IL1RAPL2: variants seen among roughly 807,000 people sequenced by gnomAD.
IL1RAPL2 encodes interleukin 1 receptor accessory protein like 2, also known as X-linked interleukin-1 receptor accessory protein-like 2.
In IL1RAPL2, 3 loss-of-function variants were observed where a neutral mutation model predicts 44.1. That is an observed-to-expected ratio of 0.07 (90% CI 0.03 to 0.18). IL1RAPL2 has a LOEUF of 0.18. Ranked by LOEUF, IL1RAPL2 falls within the 10% of genes least tolerant of loss-of-function variation. The pLI is 1.00. For synonymous variants in IL1RAPL2, 181 were observed against 178.8 expected, an observed-to-expected ratio of 1.01 and a Z score of -0.10; for missense variants, 391 against 496.4, an observed-to-expected ratio of 0.79 and a Z score of 2.02.
intron 2 of IL1RAPL2, among the ~76,000 whole-genome samples, chrX:104,989,470 C>A (rs779977719): frequency 4.5e-5 from 5 of 111,674 alleles, no homozygotes; most frequent in African/African-American, 1.6e-4. Context: ...AATATTTTTT[C>A]CAGTTTGAAT....
intron 4 of IL1RAPL2, among the ~76,000 whole-genome samples, chrX:105,246,850 A>T (rs1219407104): frequency 4.5e-5 from 5 of 111,400 alleles, no homozygotes; most frequent in Non-Finnish European, 7.5e-5. Flanking sequence ...AACAGCACAC[A>T]TAGAAAGTGA....
At chrX:104,811,082 A>G (rs1404714083) in intron 2 of IL1RAPL2, among the ~76,000 whole-genome samples, 1 of 112,282 alleles carries the variant, frequency 8.9e-6, no homozygotes, top group Non-Finnish European at 1.9e-5. Context: ...GCTAGAGACA[A>G]AAACAACAGA....
chrX:105,355,982 GC>G (rs1181005381), intron 5 of IL1RAPL2, among the ~76,000 whole-genome samples: 1 of 110,981 alleles, frequency 9.0e-6, no homozygotes, highest in African/African-American at 3.3e-5. Flanking sequence ...CCTAAAAGGT[GC>G]CCCCCACCAC....
At chrX:104,675,268 A>G (rs1215383355) in intron 2 of IL1RAPL2, among the ~76,000 whole-genome samples, 21 of 111,000 alleles carry the variant, frequency 1.9e-4, no homozygotes, top group African/African-American at 3.6e-4. Flanking sequence ...ACACTGCTTT[A>G]AATGCGTCCC....
intron 2 of IL1RAPL2, among the ~76,000 whole-genome samples, chrX:104,799,320 C>T (rs906566607): frequency 8.9e-6 from 1 of 111,882 alleles, no homozygotes; most frequent in Admixed American, 9.5e-5. Flanking sequence ...CCCGGCTCTG[C>T]CACTTTGGTA....
chrX:105,636,070 G>T (rs192957642), intron 6 of IL1RAPL2, among the ~76,000 whole-genome samples: 2 of 111,099 alleles, frequency 1.8e-5, no homozygotes, highest in African/African-American at 6.5e-5. Flanking sequence ...GGGGAGGAAT[G>T]AACCTATTGT....
intron 2 of IL1RAPL2, among the ~76,000 whole-genome samples, chrX:104,977,062 T>C (rs1359157204): frequency 8.9e-6 from 1 of 111,825 alleles, no homozygotes; most frequent in Non-Finnish European, 1.9e-5. Flanking sequence ...ACTGACCACT[T>C]AGCCAAAGAC....
At chrX:105,096,706 C>T (rs904456979) in intron 2 of IL1RAPL2, among the ~76,000 whole-genome samples, 5 of 111,034 alleles carry the variant, frequency 4.5e-5, no homozygotes, top group South Asian at 7.6e-4. Context: ...AAATGGGCTG[C>T]GACTATTTAA....
intron 3 of IL1RAPL2, among the ~76,000 whole-genome samples, chrX:105,202,035 A>G (rs191255740): frequency 8.9e-5 from 10 of 112,259 alleles, no homozygotes; most frequent in Middle Eastern, 4.6e-3. Context: ...ATAAAATTAT[A>G]TAGGAAAATT....
chrX:104,864,704 AG>A (rs1377526706), intron 2 of IL1RAPL2, among the ~76,000 whole-genome samples: 1 of 111,866 alleles, frequency 8.9e-6, no homozygotes, highest in Non-Finnish European at 1.9e-5. Flanking sequence ...AGAATAAAGC[AG>A]GCAGAAGAAA....
chrX:105,674,761 TTTTCATGATA>T (rs1180400127), intron 6 of IL1RAPL2, among the ~76,000 whole-genome samples: 1 of 112,059 alleles, frequency 8.9e-6, no homozygotes. Context: ...AATATGGTCA[TTTTCATGATA>T]TTGGTTCTTC....
chrX:105,746,866 T>A (rs2038547427), intron 8 of IL1RAPL2, among the ~76,000 whole-genome samples: 1 of 111,665 alleles, frequency 9.0e-6, no homozygotes, highest in Non-Finnish European at 1.9e-5. Flanking sequence ...GACCAAAAAA[T>A]TTATAGCATA....
At chrX:105,208,494 G>A (rs932137902) in intron 3 of IL1RAPL2, among the ~76,000 whole-genome samples, 1 of 111,622 alleles carries the variant, frequency 9.0e-6, no homozygotes, top group African/African-American at 3.3e-5. Flanking sequence ...TCACCACACC[G>A]AAGAGTGATC....
rs562424202 is a variant in IL1RAPL2 at position 104,758,440 on chromosome X, A to G, written c.82+99445A>G. On this transcript the variant is annotated intron_variant, in intron 2 of 10. Coordinates refer to ENST00000372582, the MANE Select transcript of IL1RAPL2 (RefSeq NM_017416.2). ...TCCCCATTTGATTATAATAAGGATT[A>G]CCCTCCCCCTTCTCTGGTGGTGACT... Among the ~76,000 whole-genome samples, 13 of 110,229 alleles carry G rather than the reference A, an allele frequency of 1.2e-4. No homozygotes were observed. The South Asian group carries it at 5.2e-3, about 44-fold the overall frequency.
rs776168232 is a variant in IL1RAPL2, at chrX:105,674,516, A to T, written c.773-42851A>T. On this transcript the variant is annotated intron_variant, in intron 6 of 10. Transcript: ENST00000372582. ...TTATTTCTGAGTTCTCTTCTGTTCC[A>T]TTGGTCTGTGTGTGTTTTTGCACCA... 4.4e-4 allele frequency among the ~76,000 whole-genome samples: 49 copies of T among 111,234 alleles called. No homozygotes were observed. The South Asian group carries it at 0.018, about 40-fold the overall frequency.
chrX:105,739,044 A>C (rs778314690), intron 7 of IL1RAPL2, among the ~76,000 whole-genome samples: 5 of 111,131 alleles, frequency 4.5e-5, no homozygotes, highest in Non-Finnish European at 7.6e-5. Flanking sequence ...ATGTATGGAG[A>C]TAGAAGGCCA....
At chrX:105,279,331 C>T (rs1483023521) in intron 5 of IL1RAPL2, among the ~76,000 whole-genome samples, 1 of 111,581 alleles carries the variant, frequency 9.0e-6, no homozygotes, top group Non-Finnish European at 1.9e-5. Context: ...TGTTCTACAG[C>T]AACTAAATGA....
chrX:105,742,550 C>T (rs2038509138), intron 8 of IL1RAPL2, among the ~76,000 whole-genome samples: 1 of 110,568 alleles, frequency 9.0e-6, no homozygotes, highest in African/African-American at 3.3e-5. Flanking sequence ...CACTGTAATA[C>T]TCTGCTACCA....
chrX:105,214,566 A>G lies in IL1RAPL2; in HGVS notation c.356+18818A>G, dbSNP rs894862391. Among the ~76,000 whole-genome samples the G allele has an allele frequency of 6.3e-5, 7 of 111,280 alleles. No individual in the cohort carries two copies. In the South Asian group the frequency reaches 1.1e-3, roughly 18 times the overall value. The stretch of plus-strand genomic sequence containing the variant: ...CCCACTATCAATATTAGACAGATCA[A>G]TGAGACAGAAAATTAACAAAGATAT... On this transcript the variant is annotated intron_variant, in intron 3 of 10. Coordinates refer to ENST00000372582, the MANE Select transcript of IL1RAPL2 (RefSeq NM_017416.2).
Sources: gnomAD v4.1 joint callset for allele counts (sites outside exome capture counted in the v4.1 genomes callset) on GRCh38, gnomAD v4.1.1 for gene constraint, MANE v1.5 for transcripts, NCBI Gene and HGNC (gene_info 2026-07-23, HGNC 2026-07-21) for gene names.